Variants in GALM observed in about 807,000 individuals in gnomAD.
GALM encodes galactose mutarotase.
In GALM, 43 loss-of-function variants were observed where a neutral mutation model predicts 37.4. That is an observed-to-expected ratio of 1.15 (90% CI 0.90 to 1.48). GALM has a LOEUF of 1.48. Among genes scored for constraint, GALM ranks in the 40% most tolerant of loss-of-function variants. GALM has a pLI of 0.00. For missense variants in GALM, 456 were observed against 419.1 expected (o/e 1.09, Z -0.77); for synonymous variants, 199 against 170.6 (o/e 1.17, Z -1.30).
intron 4 of GALM, among the ~76,000 whole-genome samples, chr2:38,706,184 T>C (rs1572532019): frequency 6.6e-6 from 1 of 151,538 alleles, no homozygotes; most frequent in Non-Finnish European, 1.5e-5. Context: ...TTTGTATTTT[T>C]AGGAGAGACG....
At chr2:38,705,648 C>A (rs753489799) in intron 4 of GALM, among the ~76,000 whole-genome samples, 1 of 152,152 alleles carries the variant, frequency 6.6e-6, no homozygotes, top group African/African-American at 2.4e-5. Context: ...GCCAAAGAGA[C>A]AGTTGGGCAG....
chr2:38,685,485 G>C (rs1459011318), intron 3 of GALM, among the ~76,000 whole-genome samples: 1 of 152,134 alleles, frequency 6.6e-6, no homozygotes, highest in Non-Finnish European at 1.5e-5. Context: ...ATCATAATGG[G>C]CTCTATAAAT....
chr2:38,718,920 C>T (rs1466741258), intron 4 of GALM, among the ~76,000 whole-genome samples: 2 of 151,876 alleles, frequency 1.3e-5, no homozygotes, highest in African/African-American at 4.8e-5. Flanking sequence ...AGAGAGTGTT[C>T]ATGGCCAAAT....
intron 4 of GALM, among the ~76,000 whole-genome samples, chr2:38,711,222 C>T (rs1188946067): frequency 3.1e-4 from 47 of 149,894 alleles, no homozygotes; most frequent in African/African-American, 9.8e-4. Flanking sequence ...TGCAATGGCG[C>T]GATCTCAGCT....
At chr2:38,729,479 G>A (rs1666554369) in intron 4 of GALM, 77 bp from the exon 5 acceptor site, 1 of 1,310,746 alleles carries the variant, frequency 7.6e-7, no homozygotes, top group South Asian at 1.3e-5. Context: ...AGTAGAACCA[G>A]TGAGCCTTTG....
intron 1 of GALM, among the ~76,000 whole-genome samples, chr2:38,670,796 G>C (rs946181598): frequency 6.6e-6 from 1 of 152,122 alleles, no homozygotes; most frequent in African/African-American, 2.4e-5. Flanking sequence ...ATTCAACTAG[G>C]ACAGCAAGCA....
chr2:38,709,841 G>A (rs1009653930), intron 4 of GALM, among the ~76,000 whole-genome samples: 1 of 152,208 alleles, frequency 6.6e-6, no homozygotes, highest in African/African-American at 2.4e-5. Context: ...GATTTACGAA[G>A]ATGGCTTAAT....
chr2:38,699,796 C>A (rs558161972), intron 4 of GALM, among the ~76,000 whole-genome samples: 1 of 152,084 alleles, frequency 6.6e-6, no homozygotes, highest in African/African-American at 2.4e-5. Context: ...GAAAGATACT[C>A]GATATAATTT....
intron 4 of GALM, among the ~76,000 whole-genome samples, chr2:38,720,045 AAAT>A (rs997734674): frequency 6.6e-6 from 1 of 151,574 alleles, no homozygotes; most frequent in East Asian, 1.9e-4. Flanking sequence ...CTACTAAAAA[AAAT>A]AATAATAATA....
At chr2:38,718,176 A>G (rs1666306519) in intron 4 of GALM, among the ~76,000 whole-genome samples, 1 of 147,160 alleles carries the variant, frequency 6.8e-6, no homozygotes. Context: ...TATTTGTACA[A>G]GTATTTCTTT....
chr2:38,698,761 G>T (rs1005021579), intron 4 of GALM, among the ~76,000 whole-genome samples: 2 of 152,106 alleles, frequency 1.3e-5, no homozygotes, highest in East Asian at 3.9e-4. Context: ...GTGCTGCTTT[G>T]TCAGACATTT....
intron 4 of GALM, among the ~76,000 whole-genome samples, chr2:38,723,119 A>T (rs1251613979): frequency 6.6e-6 from 1 of 152,194 alleles, no homozygotes; most frequent in Non-Finnish European, 1.5e-5. Flanking sequence ...CAGAGGGTAC[A>T]GAGATAAATA....
At chr2:38,696,428 C>CTT (rs1665806721) in intron 4 of GALM, among the ~76,000 whole-genome samples, 3 of 142,460 alleles carry the variant, frequency 2.1e-5, no homozygotes, top group South Asian at 2.4e-4. Flanking sequence ...TTTTCTTTTT[C>CTT]TTTTCTTTTT....
At position 38,729,691 on chromosome 2, in the gene GALM, G is replaced by A; in HGVS notation, c.770G>A (p.Cys257Tyr). The A allele has an allele frequency of 6.2e-7, 1 of 1,612,348 alleles. No individual in the cohort carries two copies. The highest frequency in any genetic ancestry group is 1.7e-5 in the Admixed American group (1 of 59,944). Reference protein sequence around the residue: ...CLKGSKEKHFCARVHHAASGR... With the variant: ...CLKGSKEKHFYARVHHAASGR... ...AAGGGATCTAAAGAAAAGCATTTTTGTGCAAGGTCAGGTACTTTTCACTTC... is the reference window on the plus strand; with the variant it reads ...AAGGGATCTAAAGAAAAGCATTTTTATGCAAGGTCAGGTACTTTTCACTTC... Residue 257 changes from cysteine (C) to tyrosine (Y), a missense_variant, in exon 5 of 7, where the codon TGT (cysteine) becomes TAT (tyrosine). Transcript: ENST00000272252.
rs534365136 is a variant in GALM, at chr2:38,704,435, TA to T, written c.634+14543del. 3.3e-5 allele frequency among the ~76,000 whole-genome samples: 5 copies of T among 152,152 alleles called. No individual in the cohort carries two copies. The South Asian group carries it at 1.0e-3, about 32-fold the overall frequency. Reference sequence around the variant, plus strand: ...CTTTAATCCCAGAACTTTGAGAGGCTAAGGCGGGAGGATTGATTGGGTCCAG... The same window carrying T: ...CTTTAATCCCAGAACTTTGAGAGGCTAGGCGGGAGGATTGATTGGGTCCAG... On this transcript the variant is annotated intron_variant, in intron 4 of 6. Transcript: ENST00000272252.
At chr2:38,696,767 T>C (rs1416630159) in intron 4 of GALM, among the ~76,000 whole-genome samples, 12 of 133,326 alleles carry the variant, frequency 9.0e-5, no homozygotes, top group East Asian at 5.1e-4. Context: ...CCACCGCACC[T>C]ACCCCCAAGA....
At chr2:38,720,414 TA>T (rs34372976) in intron 4 of GALM, among the ~76,000 whole-genome samples, 45,088 of 92,452 alleles carry the variant, frequency 0.49, 11,162 homozygotes, top group East Asian at 0.64. Context: ...ACTTCTATGT[TA>T]AAAAAAAAAA....
chr2:38,707,196 A>C (rs957478367), intron 4 of GALM, among the ~76,000 whole-genome samples: 6 of 152,118 alleles, frequency 3.9e-5, no homozygotes, highest in Admixed American at 2.0e-4. Context: ...TCCCCTGTAC[A>C]CCTGACCTTA....
intron 4 of GALM, among the ~76,000 whole-genome samples, chr2:38,715,874 G>C (rs187886948): frequency 6.6e-6 from 1 of 152,118 alleles, no homozygotes; most frequent in Non-Finnish European, 1.5e-5. Context: ...TTTAGTGTTC[G>C]CAATAATGCT....
Sources: gnomAD v4.1 joint callset for allele counts (sites outside exome capture counted in the v4.1 genomes callset) on GRCh38, gnomAD v4.1.1 for gene constraint, MANE v1.5 for transcripts, NCBI Gene and HGNC (gene_info 2026-07-23, HGNC 2026-07-21) for gene names.